The following GALNT2 variants were observed in gnomAD, a reference collection of about 807,000 sequenced individuals.
The protein encoded by GALNT2 is polypeptide N-acetylgalactosaminyltransferase 2, also known as UDP-GalNAc:polypeptide N-acetylgalactosaminyltransferase 2.
Under a neutral mutation model 81.4 loss-of-function variants are expected in GALNT2, and 31 were observed. The ratio of observed to expected loss-of-function variants is 0.38; its 90% CI spans 0.29 to 0.51. The LOEUF is 0.51. Among genes scored for constraint, GALNT2 ranks in the 20% least tolerant of loss-of-function variants. The probability of loss-of-function intolerance (pLI) is 0.87; values close to 1 mark genes in which losing one functional copy is unlikely to be tolerated. For synonymous variants in GALNT2, 303 were observed against 287.4 expected (o/e 1.05, Z -0.55); for missense variants, 629 against 765.7 (o/e 0.82, Z 2.11).
At chr1:230,136,056 G>C (rs2102818373) in intron 1 of GALNT2, among the ~76,000 whole-genome samples, 1 of 152,178 alleles carries the variant, frequency 6.6e-6, no homozygotes, top group Middle Eastern at 3.4e-3. Flanking sequence ...GATATATTCT[G>C]GAGCGTTGTC....
Position 230,188,485 on chromosome 1 carries a change from A to G in GALNT2, c.220+10174A>G, listed in dbSNP as rs564779606. Among the ~76,000 whole-genome samples the G allele has an allele frequency of 3.3e-5, 5 of 152,306 alleles. No individual in the cohort carries two copies. In the South Asian group the frequency reaches 1.0e-3, roughly 32 times the overall value. ...TGTGGCCTTAGACAAGTTAAGGAGT[A>G]TTTGGGTTTTGTTTTCCTTGTCTGT... On this transcript the variant is annotated intron_variant, in intron 2 of 15. Coordinates refer to ENST00000366672, the MANE Select transcript of GALNT2 (RefSeq NM_004481.5).
At chr1:230,099,193 C>G (rs1377387426) in intron 1 of GALNT2, among the ~76,000 whole-genome samples, 1 of 152,204 alleles carries the variant, frequency 6.6e-6, no homozygotes, top group Admixed American at 6.5e-5. Flanking sequence ...TGCTGTTGGC[C>G]TGAAGCATTG....
intron 1 of GALNT2, among the ~76,000 whole-genome samples, chr1:230,141,446 C>G (rs1182182730): frequency 1.3e-5 from 2 of 152,124 alleles, no homozygotes; most frequent in East Asian, 3.8e-4. Flanking sequence ...ACACTGACTC[C>G]CTTCTCCCCT....
intron 1 of GALNT2, among the ~76,000 whole-genome samples, chr1:230,079,589 T>G (rs1659666999): frequency 6.6e-6 from 1 of 152,256 alleles, no homozygotes; most frequent in Non-Finnish European, 1.5e-5. Flanking sequence ...AATAGCAGGT[T>G]TCCCTCTTGC....
At chr1:230,254,717 A>G (rs970871634) in intron 10 of GALNT2, among the ~76,000 whole-genome samples, 1 of 152,204 alleles carries the variant, frequency 6.6e-6, no homozygotes, top group Non-Finnish European at 1.5e-5. Context: ...GTTGTCTAGA[A>G]TATGTAACAA....
upstream of GALNT2, among the ~76,000 whole-genome samples, chr1:230,062,606 T>C (rs975847619): frequency 6.6e-6 from 1 of 152,226 alleles, no homozygotes; most frequent in African/African-American, 2.4e-5. Flanking sequence ...TGAAATCATT[T>C]GGTATTTGTC....
At chr1:230,154,272 C>T (rs963223883) in intron 1 of GALNT2, among the ~76,000 whole-genome samples, 1 of 152,218 alleles carries the variant, frequency 6.6e-6, no homozygotes, top group African/African-American at 2.4e-5. Flanking sequence ...TTTTTCTCCA[C>T]GTGGGCCACA....
intron 1 of GALNT2, among the ~76,000 whole-genome samples, chr1:230,101,577 G>T (rs1283046164): frequency 6.6e-6 from 1 of 152,218 alleles, no homozygotes; most frequent in Non-Finnish European, 1.5e-5. Context: ...AAAGATTCTT[G>T]ACACAGTCCC....
At chr1:230,066,332 TAA>T (rs1467374474), upstream of GALNT2, among the ~76,000 whole-genome samples, 1 of 152,272 alleles carries the variant, frequency 6.6e-6, no homozygotes, top group Admixed American at 6.5e-5. Flanking sequence ...CTTGTATCGT[TAA>T]AGATGCTTAA....
In GALNT2 at chr1:230,279,755, C is replaced by A. The variant is rs372552383; in HGVS notation, c.*297C>A. 1 of 517,802 alleles carries A rather than the reference C, an allele frequency of 1.9e-6. No homozygotes were observed. Among genetic ancestry groups the A allele is most frequent in the Non-Finnish European group, 3.7e-6 (1 of 271,106 alleles). The allele number at this position is 517,802 out of a possible 1,614,324, so 32.1% of individuals were successfully genotyped here. On this transcript the variant is annotated 3_prime_UTR_variant, in exon 16 of 16. Transcript: ENST00000366672. This position sits in a 1 kb window ranked among gnomAD's most constrained non-coding sequence, Gnocchi z 4.6. ...CTGCCGGCTCCGCAACTGAGTGACA[C>A]CCAGCGACAACCGACTGGGGAGTGG... is the stretch of plus-strand genomic sequence containing the variant.
intron 3 of GALNT2, among the ~76,000 whole-genome samples, chr1:230,204,627 T>A (rs1260036215): frequency 6.6e-6 from 1 of 152,232 alleles, no homozygotes; most frequent in Non-Finnish European, 1.5e-5. Context: ...GTAAGTTTGC[T>A]GATAAGAACC....
chr1:230,241,294 T>A, intron 6 of GALNT2, among the ~76,000 whole-genome samples: 1 of 152,208 alleles, frequency 6.6e-6, no homozygotes, highest in East Asian at 1.9e-4. Context: ...ACATTGTGGA[T>A]GATATGTTGT....
intron 6 of GALNT2, among the ~76,000 whole-genome samples, chr1:230,240,850 T>G (rs1034955651): frequency 6.6e-6 from 1 of 152,190 alleles, no homozygotes; most frequent in East Asian, 1.9e-4. Flanking sequence ...CAGTTGCACA[T>G]ATGTTATACC....
intron 1 of GALNT2, among the ~76,000 whole-genome samples, chr1:230,158,371 A>G (rs922153480): frequency 6.6e-6 from 1 of 152,240 alleles, no homozygotes; most frequent in African/African-American, 2.4e-5. Context: ...TACATTATAT[A>G]TGCACTGTCT....
intron 3 of GALNT2, among the ~76,000 whole-genome samples, chr1:230,204,445 A>G (rs1664001210): frequency 6.6e-6 from 1 of 152,336 alleles, no homozygotes; most frequent in Admixed American, 6.5e-5. Context: ...CTGGGATTAC[A>G]GGCATGCTCC....
intron 6 of GALNT2, among the ~76,000 whole-genome samples, chr1:230,238,725 G>T (rs1665107067): frequency 6.6e-6 from 1 of 152,034 alleles, no homozygotes; most frequent in Non-Finnish European, 1.5e-5. Flanking sequence ...AGCCCCAGTT[G>T]GTCATGATAC....
chr1:230,154,463 C>T (rs1324966957), intron 1 of GALNT2, among the ~76,000 whole-genome samples: 1 of 152,216 alleles, frequency 6.6e-6, no homozygotes, highest in Non-Finnish European at 1.5e-5. Flanking sequence ...TATTCTGCCC[C>T]TTCTGAGAAA....
intron 1 of GALNT2, among the ~76,000 whole-genome samples, chr1:230,077,490 G>T (rs1228896749): frequency 6.6e-6 from 1 of 152,166 alleles, no homozygotes; most frequent in Non-Finnish European, 1.5e-5. Context: ...GACACAACGG[G>T]TTCTTATCAG....
chr1:230,203,130 T>C lies in GALNT2; in HGVS notation c.221-7T>C, dbSNP rs1663955877. 6.2e-7 allele frequency: 1 copy of C among 1,612,796 alleles called. No homozygotes were observed. The highest frequency in any genetic ancestry group is 2.2e-5 in the East Asian group (1 of 44,832). The stretch of plus-strand genomic sequence containing the variant: ...CTCATCCCTACCCTCTGCTCTGCTC[T>C]TTTTAGGGAAAGTACGGTGGCCAGA... On this transcript the variant is annotated splice_region_variant and splice_polypyrimidine_tract_variant and intron_variant, in intron 2 of 15. Transcript: ENST00000366672.
Sources: gnomAD v4.1 joint callset for allele counts (sites outside exome capture counted in the v4.1 genomes callset) on GRCh38, gnomAD v4.1.1 for gene constraint, Gnocchi (gnomAD v3.1) non-coding constraint, MANE v1.5 for transcripts, NCBI Gene and HGNC (gene_info 2026-07-23, HGNC 2026-07-21) for gene names.